The following DGKI variants were observed in gnomAD, a reference collection of about 807,000 sequenced individuals.
DGKI encodes diacylglycerol kinase iota.
A neutral mutation model predicts 147.5 loss-of-function variants in DGKI; 55 were observed. That is an observed-to-expected ratio of 0.37 (90% CI 0.30 to 0.47). The LOEUF is 0.47. Ranked by LOEUF, DGKI falls within the 20% of genes least tolerant of loss-of-function variation. The pLI, the probability that DGKI is intolerant of heterozygous loss-of-function variation, is 1.00. For synonymous variants in DGKI, 469 were observed against 477.1 expected, an observed-to-expected ratio of 0.98 and a Z score of 0.22; for missense variants, 1,007 against 1,323.8, an observed-to-expected ratio of 0.76 and a Z score of 3.71.
At chr7:137,435,849 G>A (rs886828440) in intron 28 of DGKI, among the ~76,000 whole-genome samples, 2 of 152,038 alleles carry the variant, frequency 1.3e-5, no homozygotes, top group South Asian at 2.1e-4. Flanking sequence ...GCACGATCTC[G>A]GCTCTCTGCA....
chr7:137,612,600 C>G (rs1037675010), intron 8 of DGKI, among the ~76,000 whole-genome samples: 1 of 152,122 alleles, frequency 6.6e-6, no homozygotes, highest in Non-Finnish European at 1.5e-5. Context: ...AAATCACCTA[C>G]TCTTGATAAT....
chr7:137,395,570 G>T (rs757504827), intron 32 of DGKI, 28 bp downstream of exon 32: 355 of 1,596,230 alleles, frequency 2.2e-4, no homozygotes, highest in Non-Finnish European at 6.9e-6. Context: ...CCCAGCGGGA[G>T]GATGTTTGCA....
At chr7:137,412,396 A>G (rs2128901394) in intron 28 of DGKI, among the ~76,000 whole-genome samples, 189 bp from the exon 29 acceptor site, 1 of 152,134 alleles carries the variant, frequency 6.6e-6, no homozygotes, top group South Asian at 2.1e-4. Flanking sequence ...CATTCCACGC[A>G]CCCTTCTAGG....
In DGKI at chr7:137,619,327, A is replaced by T. The variant is rs1193978481; in HGVS notation, c.993+497T>A. 2.0e-5 allele frequency among the ~76,000 whole-genome samples: 3 copies of T among 152,208 alleles called. No individual in the cohort carries two copies. In the South Asian group the frequency reaches 6.2e-4, roughly 32 times the overall value. On this transcript the variant is annotated intron_variant, in intron 8 of 32. Transcript: ENST00000614521. ...AATAAATTCTACTTTGCCTTAAGAAAAAAACAAATGTCACTCTCTAAGCAG... is the reference window on the plus strand; with the variant it reads ...AATAAATTCTACTTTGCCTTAAGAATAAAACAAATGTCACTCTCTAAGCAG...
chr7:137,391,896 GTTTCTCAAT>G (rs1422702832), intron 32 of DGKI, among the ~76,000 whole-genome samples: 13 of 152,218 alleles, frequency 8.5e-5, no homozygotes, highest in Non-Finnish European at 1.8e-4. Flanking sequence ...AACTAAGCTA[GTTTCTCAAT>G]ACAAAAGTGG....
At chr7:137,526,444 C>T (rs1817149284) in intron 20 of DGKI, among the ~76,000 whole-genome samples, 2 of 150,598 alleles carry the variant, frequency 1.3e-5, no homozygotes, top group Non-Finnish European at 3.0e-5. Flanking sequence ...TTCTCTGCAA[C>T]ACTGTGATTG....
intron 1 of DGKI, among the ~76,000 whole-genome samples, chr7:137,757,578 G>A (rs1057006029): frequency 1.3e-5 from 2 of 152,050 alleles, no homozygotes; most frequent in African/African-American, 4.8e-5. Flanking sequence ...CCGCTGGAAG[G>A]GAATGGCTCA....
intron 13 of DGKI, among the ~76,000 whole-genome samples, chr7:137,586,886 T>C (rs888070595): frequency 6.6e-6 from 1 of 152,182 alleles, no homozygotes; most frequent in African/African-American, 2.4e-5. Flanking sequence ...ATTTCTCTCA[T>C]ACCAAGCTTT....
intron 16 of DGKI, among the ~76,000 whole-genome samples, chr7:137,577,719 T>A (rs1819033969): frequency 6.6e-6 from 1 of 152,194 alleles, no homozygotes; most frequent in Non-Finnish European, 1.5e-5. Flanking sequence ...TCGATTGGCA[T>A]AAATTTAAAC....
chr7:137,495,661 A>T (rs1299903946), intron 21 of DGKI, among the ~76,000 whole-genome samples: 1 of 152,144 alleles, frequency 6.6e-6, no homozygotes, highest in East Asian at 1.9e-4. Flanking sequence ...AACATACACG[A>T]ATCAATAAAT....
At chr7:137,655,947 G>A (rs998027035) in intron 4 of DGKI, among the ~76,000 whole-genome samples, 60 of 152,200 alleles carry the variant, frequency 3.9e-4, no homozygotes, top group African/African-American at 1.3e-3. Flanking sequence ...CACCACCACC[G>A]GGATGTCACT....
intron 20 of DGKI, among the ~76,000 whole-genome samples, chr7:137,545,484 C>A (rs1348665931): frequency 6.6e-6 from 1 of 151,946 alleles, no homozygotes; most frequent in African/African-American, 2.4e-5. Flanking sequence ...AAAACAGAAA[C>A]ACACACACAC....
At chr7:137,631,377 T>C (rs1288286387) in intron 6 of DGKI, among the ~76,000 whole-genome samples, 2 of 152,210 alleles carry the variant, frequency 1.3e-5, no homozygotes, top group Non-Finnish European at 2.9e-5. Context: ...TCTCTAGAAA[T>C]AGTTTTGACT....
At chr7:137,541,264 CGTGTGT>C in intron 20 of DGKI, among the ~76,000 whole-genome samples, 1 of 152,186 alleles carries the variant, frequency 6.6e-6, no homozygotes, top group African/African-American at 2.4e-5. Context: ...TGTGCATGTG[CGTGTGT>C]GTGTATAATC....
At chr7:137,842,826 CA>C (rs975129928) in intron 1 of DGKI, among the ~76,000 whole-genome samples, 21 of 151,112 alleles carry the variant, frequency 1.4e-4, no homozygotes, top group African/African-American at 4.6e-4. Context: ...GGCCACAAGC[CA>C]AAAAAAGGTA....
intron 6 of DGKI, among the ~76,000 whole-genome samples, chr7:137,638,567 C>CACATATATGTATATATACATATATAT (rs1821469624): frequency 3.0e-5 from 1 of 33,118 alleles, no homozygotes; most frequent in Non-Finnish European, 6.7e-5. Flanking sequence ...TATATATACA[C>CACATATATGTATATATACATATATAT]ACATATATGT....
chr7:137,617,365 C>T (rs934944029), intron 8 of DGKI, among the ~76,000 whole-genome samples: 36 of 151,656 alleles, frequency 2.4e-4, no homozygotes, highest in African/African-American at 7.5e-4. Flanking sequence ...TTAAGAACTA[C>T]GTCAACAAAA....
intron 1 of DGKI, among the ~76,000 whole-genome samples, chr7:137,765,828 C>T (rs1795999648): frequency 6.6e-6 from 1 of 152,192 alleles, no homozygotes; most frequent in African/African-American, 2.4e-5. Context: ...ACCCAACCTT[C>T]CCACTGGCTA....
intron 30 of DGKI, among the ~76,000 whole-genome samples, chr7:137,405,516 C>A (rs933898722): frequency 3.3e-5 from 5 of 152,202 alleles, no homozygotes; most frequent in Admixed American, 6.5e-5. Flanking sequence ...ACATTGTTCA[C>A]TTTAAACTGC....
Sources: allele counts gnomAD v4.1 joint callset (sites outside exome capture counted in the v4.1 genomes callset), GRCh38; gene constraint gnomAD v4.1.1; transcripts MANE v1.5; gene names NCBI Gene and HGNC (gene_info 2026-07-23, HGNC 2026-07-21).